The following MIB2 variants were observed in gnomAD, a reference collection of about 807,000 sequenced individuals.
The protein encoded by MIB2 is E3 ubiquitin-protein ligase MIB2.
A neutral mutation model predicts 96.6 loss-of-function variants in MIB2; 78 were observed. The observed-to-expected ratio is 0.81, with a 90% CI of 0.67 to 0.97. The LOEUF (loss-of-function observed/expected upper bound fraction) is 0.97. Among genes scored for constraint, MIB2 ranks in the 50% least tolerant of loss-of-function variants. MIB2 has a pLI of 0.00. For missense variants in MIB2, 1,543 were observed against 1,424.0 expected, an observed-to-expected ratio of 1.08 and a Z score of -1.35; for synonymous variants, 820 against 629.5, an observed-to-expected ratio of 1.30 and a Z score of -4.53.
Position 1,623,945 on chromosome 1 carries a change from C to T in MIB2, c.419C>T (p.Pro140Leu), listed in dbSNP as rs1431569946. ...FDRYETAHSR[P>L]VTLSPRQGLP... ...CGCTACGAGACCGCTCACTCGCGCC[C>T]GTGAGTCCCGGGCCGCACCGGCTCC... is the stretch of plus-strand genomic sequence containing the variant. Residue 140 changes from proline (P) to leucine (L), a missense_variant and splice_region_variant, in exon 4 of 20, where the codon CCT (proline) becomes CTT (leucine). By Grantham distance (98) the Pro-to-Leu change is moderately conservative. Transcript: ENST00000355826. 2.5e-6 allele frequency: 4 copies of T among 1,603,910 alleles called. No homozygotes were observed. Among genetic ancestry groups the T allele is most frequent in the Admixed American group, 1.7e-5 (1 of 59,656 alleles).
chr1:1,626,701 A>G lies in MIB2; in HGVS notation c.1024A>G (p.Thr342Ala), dbSNP rs779298527. The stretch of plus-strand genomic sequence containing the variant: ...GGTCCGGGTCATCGGCGACCTTGAC[A>G]CAGTGAAGCGGCTGCAGGCTGGGCA... Reference protein sequence around the residue: ...DVVRVIGDLDTVKRLQAGHGE... With the variant: ...DVVRVIGDLDAVKRLQAGHGE... Residue 342 changes from threonine to alanine, a missense_variant, in exon 9 of 20, where the codon ACA (threonine) becomes GCA (alanine). Thr to Ala is a moderately conservative substitution (Grantham distance 58). Transcript: ENST00000355826. This position sits in a 1 kb window ranked among gnomAD's most constrained non-coding sequence, Gnocchi z 5.3. 1.9e-6 allele frequency: 3 copies of G among 1,601,194 alleles called. No homozygotes were observed. In the Admixed American group the frequency reaches 5.1e-5, roughly 27 times the overall value.
In MIB2 at chr1:1,629,390, G is replaced by T. The variant is rs1207838545; in HGVS notation, c.2387G>T (p.Arg796Leu). ...LQGCAQRFRE[R>L]QAGGGAAPGP... is the part of the protein sequence containing the mutation. Reference sequence around the variant, plus strand: ...GCCGCCTCCTCCCCCTGCAGGGAGCGGCAGGCGGGCGGGGGCGCGGCCCCG... The same window carrying T: ...GCCGCCTCCTCCCCCTGCAGGGAGCTGCAGGCGGGCGGGGGCGCGGCCCCG... Residue 796 changes from arginine (R) to leucine (L), a missense_variant, in exon 18 of 20, where the codon CGG (arginine) becomes CTG (leucine). By Grantham distance (102) the Arg-to-Leu change is moderately radical (BLOSUM62 -2). Coordinates refer to ENST00000355826, the MANE Select transcript of MIB2 (RefSeq NM_001170687.4). 1 of 1,442,774 alleles carries T rather than the reference G, an allele frequency of 6.9e-7. No homozygotes were observed. The highest frequency in any genetic ancestry group is 1.5e-5 in the South Asian group (1 of 68,886). 89.4% of individuals were successfully genotyped at this position (1,442,774 alleles called of 1,614,324 possible).
chr1:1,622,846 A>T (rs1644382094), intron 2 of MIB2, among the ~76,000 whole-genome samples: 2 of 152,164 alleles, frequency 1.3e-5, no homozygotes, highest in Admixed American at 6.5e-5. Context: ...CTGGGGACAG[A>T]TGCCTCCTGG....
intron 14 of MIB2, 25 bp downstream of exon 14, chr1:1,628,204 T>A: frequency 6.2e-7 from 1 of 1,612,316 alleles, no homozygotes; most frequent in Non-Finnish European, 8.5e-7. Context: ...GGCACACAGC[T>A]GCAGCCGGCC....
At position 1,625,707 on chromosome 1, in the gene MIB2, C is replaced by T. The variant is rs899246022; in HGVS notation, c.972+54C>T. ...CTGCTTGCTTCTGTAACCCCTTCCACGTACCCCCTTGGCCTTGGGGGGTCA... is the reference window on the plus strand; with the variant it reads ...CTGCTTGCTTCTGTAACCCCTTCCATGTACCCCCTTGGCCTTGGGGGGTCA... On this transcript the variant is annotated intron_variant, in intron 8 of 19. Transcript: ENST00000355826. The surrounding 1 kb of genome is among the most constrained non-coding windows in gnomAD (Gnocchi z 5.0). 5.2e-5 allele frequency: 75 copies of T among 1,450,042 alleles called. No individual in the cohort carries two copies. The highest frequency in any genetic ancestry group is 3.9e-4 in the Middle Eastern group (2 of 5,146). 89.8% of individuals were successfully genotyped at this position (1,450,042 alleles called of 1,614,324 possible).
In MIB2 at chr1:1,624,920, G is replaced by A. The variant is rs376386747; in HGVS notation, c.526+19G>A. On this transcript the variant is annotated intron_variant, in intron 5 of 19. Coordinates refer to ENST00000355826, the MANE Select transcript of MIB2 (RefSeq NM_001170687.4). ...CAGGATGGTGAGTGGAGGCAGAGGG[G>A]CGGGGTCAGGGCTGGGCTGTGGCTG... 1 of 1,610,722 alleles carries A rather than the reference G, an allele frequency of 6.2e-7. No individual in the cohort carries two copies. The highest frequency in any genetic ancestry group is 8.5e-7 in the Non-Finnish European group (1 of 1,178,724).
rs749443976 is a variant in MIB2 at position 1,623,709 on chromosome 1, A to T, written c.247+10A>T. ...GACAACGCCCAGATCGGTGCGCGCC[A>T]AGGGCAGGCGGGACGGGCAGGACCC... On this transcript the variant is annotated intron_variant, in intron 3 of 19. Transcript: ENST00000355826. 6.5e-7 allele frequency: 1 copy of T among 1,531,814 alleles called. No homozygotes were observed. The highest frequency in any genetic ancestry group is 8.8e-7 in the Non-Finnish European group (1 of 1,138,244). 94.9% of individuals were successfully genotyped at this position (1,531,814 alleles called of 1,614,324 possible).
chr1:1,625,471 A>G lies in MIB2; in HGVS notation c.864+43A>G, dbSNP rs1344838264. On this transcript the variant is annotated intron_variant, in intron 7 of 19. Transcript: ENST00000355826. The surrounding 1 kb of genome is among the most constrained non-coding windows in gnomAD (Gnocchi z 5.0). ...GGAGCCCTGTGTGCCCTGCCCTCCC[A>G]GCCCTCCGCCCCCTCAGCCCCTTCC... is the stretch of plus-strand genomic sequence containing the variant. 2.1e-5 allele frequency: 18 copies of G among 862,952 alleles called. No homozygotes were observed. Among genetic ancestry groups the G allele is most frequent in the Non-Finnish European group, 2.9e-5 (17 of 577,364 alleles). The allele number at this position is 862,952 out of a possible 1,614,324, so 53.5% of individuals were successfully genotyped here. A position where few individuals can be genotyped will look rare whatever the true frequency, so the allele number is the denominator to read the frequency against.
chr1:1,624,623 G>A, intron 4 of MIB2, 172 bp from the exon 5 acceptor site: 10 of 691,280 alleles, frequency 1.4e-5, no homozygotes, highest in Non-Finnish European at 2.3e-5. Flanking sequence ...CACAGCGTGT[G>A]GAGGATGCTG....
chr1:1,625,449 G>T lies in MIB2; in HGVS notation c.864+21G>T. 1 of 1,561,686 alleles carries T rather than the reference G, an allele frequency of 6.4e-7. No homozygotes were observed. Among genetic ancestry groups the T allele is most frequent in the Non-Finnish European group, 8.7e-7 (1 of 1,153,590 alleles). ...CGGAGGTGAGCCGCCCCGCCGTGGA[G>T]CCCTGTGTGCCCTGCCCTCCCAGCC... is the stretch of plus-strand genomic sequence containing the variant. On this transcript the variant is annotated intron_variant, in intron 7 of 19. Transcript: ENST00000355826. This position sits in a 1 kb window ranked among gnomAD's most constrained non-coding sequence, Gnocchi z 5.0.
At position 1,623,737 on chromosome 1, in the gene MIB2, G is replaced by C. The variant is rs775121789; in HGVS notation, c.248-37G>C. The C allele has an allele frequency of 1.9e-6, 3 of 1,539,210 alleles. No homozygotes were observed. The East Asian group carries it at 7.3e-5, about 37-fold the overall frequency. On this transcript the variant is annotated intron_variant, in intron 3 of 19. Transcript: ENST00000355826. The stretch of plus-strand genomic sequence containing the variant: ...GGCAGGCGGGACGGGCAGGACCCGG[G>C]GGCGGGAACGCCCCTCTGACCCCAC...
intron 16 of MIB2, 133 bp from the exon 17 acceptor site, chr1:1,629,000 G>C (rs1645092455): frequency 1.9e-6 from 2 of 1,041,308 alleles, no homozygotes; most frequent in South Asian, 1.9e-5. Flanking sequence ...TCCCACTTGG[G>C]TTCCGGAAGA....
intron 1 of MIB2, 120 bp downstream of exon 1, chr1:1,615,753 T>G: frequency 2.8e-6 from 4 of 1,452,892 alleles, no homozygotes; most frequent in Non-Finnish European, 3.6e-6. Context: ...AGCCCCGGGC[T>G]GGACTCGGCG....
At chr1:1,614,523 C>T (rs1169155981), upstream of MIB2, 1 of 152,238 alleles carries the variant, frequency 6.6e-6, no homozygotes, top group African/African-American at 2.4e-5. Flanking sequence ...TCAGATAGGC[C>T]TATGATCTGT....
Position 1,624,914 on chromosome 1 carries a change from A to G in MIB2, c.526+13A>G, listed in dbSNP as rs1436422387. 3.1e-6 allele frequency: 5 copies of G among 1,611,372 alleles called. No individual in the cohort carries two copies. The African/African-American group carries it at 5.3e-5, about 17-fold the overall frequency. On this transcript the variant is annotated intron_variant, in intron 5 of 19. Transcript: ENST00000355826. Reference sequence around the variant, plus strand: ...GGCTCACAGGATGGTGAGTGGAGGCAGAGGGGCGGGGTCAGGGCTGGGCTG... The same window carrying G: ...GGCTCACAGGATGGTGAGTGGAGGCGGAGGGGCGGGGTCAGGGCTGGGCTG...
intron 19 of MIB2, 72 bp downstream of exon 19, chr1:1,629,776 C>A: frequency 6.9e-7 from 1 of 1,440,570 alleles, no homozygotes; most frequent in Non-Finnish European, 9.3e-7. Flanking sequence ...TCCCCCACCC[C>A]TTCCCTCCCA....
chr1:1,629,744 G>T (rs1202945909), intron 19 of MIB2, 40 bp downstream of exon 19: 1 of 1,532,524 alleles, frequency 6.5e-7, no homozygotes, highest in Non-Finnish European at 8.8e-7. Flanking sequence ...CTCCTGCTCA[G>T]CTGGTGGCCC....
In MIB2 at chr1:1,630,288, G is replaced by C. The variant is rs1159637525; in HGVS notation, c.2630-4G>C. The C allele has an allele frequency of 7.8e-6, 7 of 894,720 alleles. No individual in the cohort carries two copies. The highest frequency in any genetic ancestry group is 2.1e-5 in the African/African-American group (1 of 48,436). 55.4% of individuals were successfully genotyped at this position (894,720 alleles called of 1,614,324 possible). A position where few individuals can be genotyped will look rare whatever the true frequency, so the allele number is the denominator to read the frequency against. On this transcript the variant is annotated splice_region_variant and splice_polypyrimidine_tract_variant and intron_variant, in intron 19 of 19. Coordinates refer to ENST00000355826, the MANE Select transcript of MIB2 (RefSeq NM_001170687.4). The stretch of plus-strand genomic sequence containing the variant: ...CCAGCTCACACCCGTCCCCCACCCC[G>C]CAGACGGCTCTGAGGTGGCGAGCGC...
chr1:1,616,085 A>G, intron 1 of MIB2: 12 of 984,094 alleles, frequency 1.2e-5, no homozygotes, highest in Non-Finnish European at 1.4e-5. Context: ...ACGTCCGGGC[A>G]AGTTGGGGTC....
Sources: allele counts gnomAD v4.1 joint callset (sites outside exome capture counted in the v4.1 genomes callset), GRCh38; gene constraint gnomAD v4.1.1; non-coding constraint Gnocchi (gnomAD v3.1); transcripts MANE v1.5; gene names NCBI Gene and HGNC (gene_info 2026-07-23, HGNC 2026-07-21).